The following USP3 variants were observed in gnomAD, a reference collection of about 807,000 sequenced individuals.
USP3 encodes the protein ubiquitin carboxyl-terminal hydrolase 3.
Under a neutral mutation model 72.3 loss-of-function variants are expected in USP3, and 20 were observed. The ratio of observed to expected loss-of-function variants is 0.28; its 90% CI spans 0.19 to 0.40. USP3 has a LOEUF of 0.40. Among genes scored for constraint, USP3 ranks in the 10% least tolerant of loss-of-function variants. The pLI is 1.00. For missense variants in USP3, 479 were observed against 633.9 expected, an observed-to-expected ratio of 0.76 and a Z score of 2.62; for synonymous variants, 222 against 225.3, an observed-to-expected ratio of 0.99 and a Z score of 0.13.
chr15:63,562,326 G>C (rs1236048440), intron 7 of USP3, among the ~76,000 whole-genome samples: 1 of 152,172 alleles, frequency 6.6e-6, no homozygotes, highest in East Asian at 1.9e-4. Context: ...GCTGGAGCCG[G>C]TCAGTGCACA....
At position 63,508,083 on chromosome 15, in the gene USP3, C is replaced by CA. The variant is rs200389954; in HGVS notation, c.91+3254dup. Among the ~76,000 whole-genome samples the CA allele has an allele frequency of 1.7e-3, 260 of 152,256 alleles. 2 individuals are homozygous for CA. The East Asian group carries it at 0.022, about 13-fold the overall frequency. On this transcript the variant is annotated intron_variant, in intron 1 of 14. Transcript: ENST00000380324. Reference sequence around the variant, plus strand: ...ATGTCACATCATGCAGCCTCAGGAACACCCCACTGCATGCTTGTGAGAGAA... The same window carrying CA: ...ATGTCACATCATGCAGCCTCAGGAACAACCCCACTGCATGCTTGTGAGAGAA...
chr15:63,542,041 C>T, intron 3 of USP3: 1 of 984,946 alleles, frequency 1.0e-6, no homozygotes, highest in South Asian at 4.7e-5. Flanking sequence ...TATGATTATT[C>T]CTCCTTGTTT....
At position 63,591,255 on chromosome 15, in the gene USP3, C is replaced by T. The variant is rs2067194237; in HGVS notation, c.*429C>T. The T allele has an allele frequency of 6.3e-6, 1 of 159,212 alleles. No homozygotes were observed. The highest frequency in any genetic ancestry group is 1.4e-5 in the Non-Finnish European group (1 of 72,540). 9.9% of individuals were successfully genotyped at this position (159,212 alleles called of 1,614,324 possible). A position where few individuals can be genotyped will look rare whatever the true frequency, so the allele number is the denominator to read the frequency against. On this transcript the variant is annotated 3_prime_UTR_variant, in exon 15 of 15. Coordinates refer to ENST00000380324, the MANE Select transcript of USP3 (RefSeq NM_006537.4). Reference sequence around the variant, plus strand: ...ACAGCTATAATGGACATCAGGTTGACTCTAAATCAAGGATCATGTGTGCAC... The same window carrying T: ...ACAGCTATAATGGACATCAGGTTGATTCTAAATCAAGGATCATGTGTGCAC...
intron 1 of USP3, chr15:63,530,588 C>T (rs896621750): frequency 2.3e-6 from 1 of 433,290 alleles, no homozygotes; most frequent in South Asian, 1.6e-5. Context: ...GTTGGGACTA[C>T]AGGCACGTAC....
At chr15:63,578,020 G>C (rs1164717033) in intron 11 of USP3, among the ~76,000 whole-genome samples, 1 of 151,730 alleles carries the variant, frequency 6.6e-6, no homozygotes, top group African/African-American at 2.4e-5. Context: ...GTGCAGTGTA[G>C]TCCCAGCACT....
rs892380471 is a variant in USP3, at chr15:63,594,468, T to TTCCA, written c.*3643_*3644insCCAT. On this transcript the variant is annotated 3_prime_UTR_variant, in exon 15 of 15. Transcript: ENST00000380324. ...GACTCTAGACTGCCTTCCATGAGTG[T>TTCCA]TGGTCATGCTATGATGTCATCATTT... The TTCCA allele has an allele frequency of 6.6e-6, 1 of 152,220 alleles. No homozygotes were observed. Among genetic ancestry groups the TTCCA allele is most frequent in the African/African-American group, 2.4e-5 (1 of 41,434 alleles). The allele number at this position is 152,220 out of a possible 1,614,324, so 9.4% of individuals were successfully genotyped here. A position where few individuals can be genotyped will look rare whatever the true frequency, so the allele number is the denominator to read the frequency against.
At chr15:63,537,693 TC>T in intron 3 of USP3, among the ~76,000 whole-genome samples, 1 of 152,322 alleles carries the variant, frequency 6.6e-6, no homozygotes, top group South Asian at 2.1e-4. Flanking sequence ...GGCTATTTTT[TC>T]TTTTTTTTGA....
intron 11 of USP3, among the ~76,000 whole-genome samples, chr15:63,585,512 A>G (rs890708286): frequency 6.6e-6 from 1 of 152,194 alleles, no homozygotes; most frequent in African/African-American, 2.4e-5. Context: ...ATACCTAACA[A>G]TGAATACATT....
chr15:63,575,528 G>C (rs1161502579), intron 11 of USP3, among the ~76,000 whole-genome samples: 1 of 152,140 alleles, frequency 6.6e-6, no homozygotes, highest in East Asian at 1.9e-4. Context: ...GGGATGACTA[G>C]ACTACACTCC....
chr15:63,513,103 G>A (rs1014544434), intron 1 of USP3, among the ~76,000 whole-genome samples: 1 of 152,138 alleles, frequency 6.6e-6, no homozygotes, highest in Non-Finnish European at 1.5e-5. Context: ...TTCCATTCTT[G>A]AGTAGAAGTT....
Position 63,553,011 on chromosome 15 carries a change from A to G in USP3, c.285-704A>G, listed in dbSNP as rs2066458235. On this transcript the variant is annotated intron_variant, in intron 3 of 14. Transcript: ENST00000380324. The surrounding 1 kb of genome is among the most constrained non-coding windows in gnomAD (Gnocchi z 4.2). The stretch of plus-strand genomic sequence containing the variant: ...ATGTGAACAAGTTAAAGTTTATATT[A>G]TGTGTGATTTCTTACATTATTTGCT... Among the ~76,000 whole-genome samples, 1 of 152,230 alleles carries G rather than the reference A, an allele frequency of 6.6e-6. No individual in the cohort carries two copies. Among genetic ancestry groups the G allele is most frequent in the African/African-American group, 2.4e-5 (1 of 41,472 alleles).
At position 63,589,785 on chromosome 15, in the gene USP3, G is replaced by A. The variant is rs1412688496; in HGVS notation, c.1397+774G>A. Among the ~76,000 whole-genome samples the A allele has an allele frequency of 2.7e-5, 4 of 148,744 alleles. No individual in the cohort carries two copies. In the East Asian group the frequency reaches 7.7e-4, roughly 29 times the overall value. ...TTCCACATGTCTTAAATACTCTAAT[G>A]ATTTCTGTCTGTGTTTCTAAAGACT... On this transcript the variant is annotated intron_variant, in intron 14 of 14. Coordinates refer to ENST00000380324, the MANE Select transcript of USP3 (RefSeq NM_006537.4).
At chr15:63,548,143 A>C (rs2066380206) in intron 3 of USP3, among the ~76,000 whole-genome samples, 1 of 151,540 alleles carries the variant, frequency 6.6e-6, no homozygotes, top group South Asian at 2.1e-4. Context: ...AAAACTAAAA[A>C]AAAATCTTAG....
At chr15:63,563,159 T>G in intron 8 of USP3, 151 bp downstream of exon 8, 1 of 483,046 alleles carries the variant, frequency 2.1e-6, no homozygotes. Flanking sequence ...GAGCTGAAAT[T>G]GAATACATCT....
chr15:63,541,358 A>G (rs891146169), intron 3 of USP3, among the ~76,000 whole-genome samples: 4 of 152,218 alleles, frequency 2.6e-5, no homozygotes, highest in Admixed American at 2.6e-4. Flanking sequence ...ATCATTTCCT[A>G]CAGCAGTTGT....
chr15:63,506,682 G>A (rs2065717678), intron 1 of USP3, among the ~76,000 whole-genome samples: 1 of 152,168 alleles, frequency 6.6e-6, no homozygotes, highest in South Asian at 2.1e-4. Context: ...AACTTAATAA[G>A]TTAAAATGGA....
At chr15:63,525,653 C>A (rs2065971761) in intron 1 of USP3, among the ~76,000 whole-genome samples, 1 of 152,190 alleles carries the variant, frequency 6.6e-6, no homozygotes, top group African/African-American at 2.4e-5. Flanking sequence ...TCTGAAATTT[C>A]AGCATAGAAT....
Position 63,525,151 on chromosome 15 carries a change from A to G in USP3, c.92-7496A>G, listed in dbSNP as rs562130044. The stretch of plus-strand genomic sequence containing the variant: ...AAAGTGGAAAAATTTTTCATGGGAA[A>G]GTGGAAAGGCAACCAAGATAAACTT... On this transcript the variant is annotated intron_variant, in intron 1 of 14. Coordinates refer to ENST00000380324, the MANE Select transcript of USP3 (RefSeq NM_006537.4). Among the ~76,000 whole-genome samples, 10 of 152,338 alleles carry G rather than the reference A, an allele frequency of 6.6e-5. No homozygotes were observed. In the South Asian group the frequency reaches 2.1e-3, roughly 32 times the overall value.
rs2067055759 is a variant in USP3, at chr15:63,586,129, C to G, written c.1097-2176C>G. ...TTTTACATGAGATCATGTGATCTGT[C>G]AGCAGAGATAATTATACTTTTTCCT... On this transcript the variant is annotated intron_variant, in intron 11 of 14. Coordinates refer to ENST00000380324, the MANE Select transcript of USP3 (RefSeq NM_006537.4). Among the ~76,000 whole-genome samples, 5 of 152,306 alleles carry G rather than the reference C, an allele frequency of 3.3e-5. No individual in the cohort carries two copies. The South Asian group carries it at 8.3e-4, about 25-fold the overall frequency.
Sources: allele counts gnomAD v4.1 joint callset (sites outside exome capture counted in the v4.1 genomes callset), GRCh38; gene constraint gnomAD v4.1.1; non-coding constraint Gnocchi (gnomAD v3.1); transcripts MANE v1.5; gene names NCBI Gene and HGNC (gene_info 2026-07-23, HGNC 2026-07-21).